The following FMNL2 variants were observed in gnomAD, a reference collection of about 807,000 sequenced individuals.
The protein encoded by FMNL2 is formin-like protein 2.
A neutral mutation model predicts 130.2 loss-of-function variants in FMNL2; 51 were observed. The observed-to-expected ratio is 0.39, with a 90% confidence interval of 0.31 to 0.49. The LOEUF (loss-of-function observed/expected upper bound fraction) is 0.49. Ranked by LOEUF, FMNL2 falls within the 20% of genes least tolerant of loss-of-function variation. The pLI is 0.85. For synonymous variants in FMNL2, 465 were observed against 467.1 expected (o/e 1.00, Z 0.06); for missense variants, 977 against 1,316.2 (o/e 0.74, Z 3.99).
At chr2:152,502,745 G>A (rs1691918199) in intron 1 of FMNL2, among the ~76,000 whole-genome samples, 1 of 152,096 alleles carries the variant, frequency 6.6e-6, no homozygotes, top group South Asian at 2.1e-4. Context: ...TTCATTGTGC[G>A]GAGAGTGGGA....
chr2:152,335,757 G>C, intron 1 of FMNL2, 37 bp downstream of exon 1: 2 of 1,472,284 alleles, frequency 1.4e-6, no homozygotes, highest in Non-Finnish European at 1.8e-6. Context: ...GGGGACCCGG[G>C]GCCCCGGGCC....
At chr2:152,616,373 C>T (rs973015195) in intron 12 of FMNL2, among the ~76,000 whole-genome samples, 1 of 147,636 alleles carries the variant, frequency 6.8e-6, no homozygotes, top group Non-Finnish European at 1.5e-5. Flanking sequence ...CTCTGTCACC[C>T]AGGCTGGAGT....
At chr2:152,607,623 A>G (rs1308997377) in intron 10 of FMNL2, 5 of 450,310 alleles carry the variant, frequency 1.1e-5, no homozygotes, top group African/African-American at 3.9e-5. Context: ...CATACACGGT[A>G]TAGTAAAGAC....
chr2:152,523,275 T>A (rs1693202840), intron 2 of FMNL2, among the ~76,000 whole-genome samples: 1 of 152,230 alleles, frequency 6.6e-6, no homozygotes, highest in Non-Finnish European at 1.5e-5. Flanking sequence ...ATCATGGAAC[T>A]GGTCATTGTT....
chr2:152,480,524 A>G (rs11892859), intron 1 of FMNL2, among the ~76,000 whole-genome samples: 44,181 of 150,052 alleles, frequency 0.29, 6,933 homozygotes, highest in East Asian at 0.58. Context: ...AATCCTAGAT[A>G]CTTGGGAGGC....
chr2:152,554,713 A>G (rs948521032), intron 4 of FMNL2, among the ~76,000 whole-genome samples: 7 of 152,226 alleles, frequency 4.6e-5, no homozygotes, highest in African/African-American at 1.4e-4. Flanking sequence ...AGCAACAAAT[A>G]CTGTGTTGTC....
chr2:152,540,241 T>G (rs1300708799), intron 2 of FMNL2, among the ~76,000 whole-genome samples: 1 of 152,164 alleles, frequency 6.6e-6, no homozygotes, highest in Non-Finnish European at 1.5e-5. Context: ...TTTCTGAGCT[T>G]CTTGTGATTA....
chr2:152,527,235 A>G (rs1336879263), intron 2 of FMNL2, among the ~76,000 whole-genome samples: 3 of 152,202 alleles, frequency 2.0e-5, no homozygotes, highest in Non-Finnish European at 4.4e-5. Flanking sequence ...GAAGAATATC[A>G]TAGAAAAATA....
At chr2:152,377,895 GC>G (rs1206999943) in intron 1 of FMNL2, among the ~76,000 whole-genome samples, 2 of 152,138 alleles carry the variant, frequency 1.3e-5, no homozygotes, top group Admixed American at 6.5e-5. Context: ...ACTTTGGGAG[GC>G]TGAGGTAGGC....
intron 25 of FMNL2, among the ~76,000 whole-genome samples, chr2:152,643,012 A>G (rs1363491177): frequency 6.6e-6 from 1 of 152,178 alleles, no homozygotes; most frequent in Non-Finnish European, 1.5e-5. Context: ...CTGTCTCAAA[A>G]AAAAACAAAA....
intron 1 of FMNL2, among the ~76,000 whole-genome samples, chr2:152,408,078 GT>G (rs1686088149): frequency 6.6e-6 from 1 of 152,130 alleles, no homozygotes; most frequent in Non-Finnish European, 1.5e-5. Context: ...GGGTTGGAGA[GT>G]TTCTCTGGTA....
intron 7 of FMNL2, among the ~76,000 whole-genome samples, chr2:152,577,216 G>A (rs1696525906): frequency 6.6e-6 from 1 of 152,254 alleles, no homozygotes; most frequent in South Asian, 2.1e-4. Context: ...CACAGCATTG[G>A]ATATGAGGGA....
intron 4 of FMNL2, among the ~76,000 whole-genome samples, chr2:152,556,580 G>A (rs1360681755): frequency 6.6e-6 from 1 of 152,122 alleles, no homozygotes. Context: ...TAAGCGAATT[G>A]TAACTCTGGC....
intron 1 of FMNL2, among the ~76,000 whole-genome samples, chr2:152,379,450 C>T (rs1684344402): frequency 6.6e-6 from 1 of 152,188 alleles, no homozygotes; most frequent in Non-Finnish European, 1.5e-5. Context: ...TCTCAGAGAT[C>T]TGGGCTGCCT....
chr2:152,422,552 T>A (rs1449942820), intron 1 of FMNL2, among the ~76,000 whole-genome samples: 1 of 152,072 alleles, frequency 6.6e-6, no homozygotes, highest in Non-Finnish European at 1.5e-5. Context: ...GGAGACAGGG[T>A]CTTGCACTGT....
At chr2:152,378,447 C>T (rs1447274249) in intron 1 of FMNL2, among the ~76,000 whole-genome samples, 1 of 152,086 alleles carries the variant, frequency 6.6e-6, no homozygotes, top group African/African-American at 2.4e-5. Context: ...TAAATAAATC[C>T]GTTTGGCTGG....
intron 1 of FMNL2, among the ~76,000 whole-genome samples, chr2:152,459,993 G>A (rs1478670699): frequency 1.3e-5 from 2 of 152,124 alleles, no homozygotes; most frequent in African/African-American, 2.4e-5. Flanking sequence ...ATCTTTTGTT[G>A]AAAGAAGAGC....
At chr2:152,340,535 G>C (rs540405680) in intron 1 of FMNL2, among the ~76,000 whole-genome samples, 1 of 152,186 alleles carries the variant, frequency 6.6e-6, no homozygotes, top group Non-Finnish European at 1.5e-5. Context: ...GGTCCAAAAA[G>C]GTGCTCTTCA....
intron 16 of FMNL2, among the ~76,000 whole-genome samples, chr2:152,626,228 C>T (rs945736746): frequency 6.6e-6 from 1 of 151,914 alleles, no homozygotes. Context: ...GTAGAGAGCG[C>T]ATTTCATCAT....
Sources: allele counts gnomAD v4.1 joint callset (sites outside exome capture counted in the v4.1 genomes callset), GRCh38; gene constraint gnomAD v4.1.1; transcripts MANE v1.5; gene names NCBI Gene and HGNC (gene_info 2026-07-23, HGNC 2026-07-21).